HDAC9: variants seen among roughly 807,000 people sequenced by gnomAD.
HDAC9 encodes the protein histone deacetylase 9.
In HDAC9, 41 loss-of-function variants were observed where a neutral mutation model predicts 139.4. The observed-to-expected ratio is 0.29, with a 90% confidence interval of 0.23 to 0.38. The LOEUF (loss-of-function observed/expected upper bound fraction) is 0.38. Ranked by LOEUF, HDAC9 falls within the 10% of genes least tolerant of loss-of-function variation. The pLI, the probability that HDAC9 is intolerant of heterozygous loss-of-function variation, is 1.00. For missense variants in HDAC9, 1,147 were observed against 1,297.0 expected, an observed-to-expected ratio of 0.88 and a Z score of 1.78; for synonymous variants, 517 against 476.2, an observed-to-expected ratio of 1.09 and a Z score of -1.12.
intron 3 of HDAC9, among the ~76,000 whole-genome samples, chr7:18,588,593 T>G (rs1003071324): frequency 2.0e-5 from 3 of 152,218 alleles, no homozygotes; most frequent in Admixed American, 2.0e-4. Flanking sequence ...CAGCCACCCA[T>G]GTGGACAATC....
intron 2 of HDAC9, among the ~76,000 whole-genome samples, chr7:18,208,582 G>T (rs1022000372): frequency 6.6e-6 from 1 of 151,966 alleles, no homozygotes; most frequent in South Asian, 2.1e-4. Flanking sequence ...CGCCATGTTG[G>T]CCAGGCTGGT....
At chr7:18,936,904 A>T (rs1165510378) in intron 23 of HDAC9, among the ~76,000 whole-genome samples, 1 of 152,094 alleles carries the variant, frequency 6.6e-6, no homozygotes, top group Non-Finnish European at 1.5e-5. Flanking sequence ...TCATTATTTT[A>T]CAAACCTGTA....
At chr7:18,138,108 A>G (rs140683778) in intron 1 of HDAC9, among the ~76,000 whole-genome samples, 6,416 of 152,268 alleles carry the variant, frequency 0.042, 440 homozygotes, top group African/African-American at 0.15. Flanking sequence ...TGTTTGTAGT[A>G]TTCTGTGATG....
intron 1 of HDAC9, among the ~76,000 whole-genome samples, chr7:18,341,901 A>T (rs1214355553): frequency 6.6e-6 from 1 of 151,740 alleles, no homozygotes; most frequent in Non-Finnish European, 1.5e-5. Flanking sequence ...AAACAGTTTT[A>T]TCCTTTTGGT....
intron 24 of HDAC9, among the ~76,000 whole-genome samples, chr7:18,957,754 T>C (rs962586854): frequency 7.9e-5 from 12 of 152,190 alleles, no homozygotes; most frequent in African/African-American, 2.4e-5. Flanking sequence ...ACAGGAGCAC[T>C]TCCTCTTCAC....
In HDAC9 at chr7:18,988,355, C is replaced by T. The variant is rs563894461; in HGVS notation, c.3171-7668C>T. ...CATTCAGGAGCAGGTTGTTCAGTTTCCATGTAGTTGAGCGGTTTTGAGTGA... is the reference window on the plus strand; with the variant it reads ...CATTCAGGAGCAGGTTGTTCAGTTTTCATGTAGTTGAGCGGTTTTGAGTGA... On this transcript the variant is annotated intron_variant, in intron 25 of 25. Transcript: ENST00000686413. Among the ~76,000 whole-genome samples the T allele has an allele frequency of 3.3e-5, 5 of 152,050 alleles. No homozygotes were observed. The South Asian group carries it at 1.0e-3, about 32-fold the overall frequency.
chr7:18,292,967 C>T (rs1470517457), intron 1 of HDAC9, among the ~76,000 whole-genome samples: 11 of 151,858 alleles, frequency 7.2e-5, no homozygotes, highest in Admixed American at 6.6e-4. Context: ...GTTTTTTTTC[C>T]CCTCCAATAG....
chr7:18,892,216 T>C (rs1274304456), intron 22 of HDAC9: 2 of 152,214 alleles, frequency 1.3e-5, no homozygotes, highest in African/African-American at 2.4e-5. Context: ...GAAAATGAAG[T>C]ATTTGGACCA....
At chr7:18,203,948 C>G (rs1050644149) in intron 2 of HDAC9, among the ~76,000 whole-genome samples, 6 of 152,142 alleles carry the variant, frequency 3.9e-5, no homozygotes, top group East Asian at 1.9e-4. Context: ...TTCTCCAAAG[C>G]TATGTATGAG....
intron 24 of HDAC9, among the ~76,000 whole-genome samples, chr7:18,958,485 G>A (rs1783312061): frequency 6.6e-6 from 1 of 152,138 alleles, no homozygotes; most frequent in Non-Finnish European, 1.5e-5. Flanking sequence ...CAGTGGATGA[G>A]TGGGCAAAGA....
chr7:18,686,655 G>A (rs1782296321), intron 12 of HDAC9, among the ~76,000 whole-genome samples: 1 of 151,830 alleles, frequency 6.6e-6, no homozygotes, highest in Non-Finnish European at 1.5e-5. Flanking sequence ...TATATAGCCT[G>A]GCATAAATTC....
At chr7:18,890,115 G>T (rs1361399550) in intron 22 of HDAC9, among the ~76,000 whole-genome samples, 1 of 152,154 alleles carries the variant, frequency 6.6e-6, no homozygotes, top group Non-Finnish European at 1.5e-5. Flanking sequence ...AGTAAATACA[G>T]AAACTCATTT....
At position 18,318,958 on chromosome 7, in the gene HDAC9, G is replaced by A. The variant is rs1332021714; in HGVS notation, c.-42+28443G>A. Among the ~76,000 whole-genome samples the A allele has an allele frequency of 2.0e-5, 3 of 152,140 alleles. No homozygotes were observed. The East Asian group carries it at 5.8e-4, about 29-fold the overall frequency. Reference sequence around the variant, plus strand: ...ATCACAGCAGATAGATCCAAGAAATGCAGTATCTCAGGCCCATTCCAGACC... The same window carrying A: ...ATCACAGCAGATAGATCCAAGAAATACAGTATCTCAGGCCCATTCCAGACC... On this transcript the variant is annotated intron_variant, in intron 1 of 3. Transcript: ENST00000413509.
chr7:18,496,124 C>A, intron 1 of HDAC9, 101 bp downstream of exon 1: 1 of 1,407,572 alleles, frequency 7.1e-7, no homozygotes, highest in Admixed American at 2.1e-5. Flanking sequence ...TGCTTCTCCT[C>A]AGGGAGGAGG....
intron 21 of HDAC9, among the ~76,000 whole-genome samples, chr7:18,852,505 A>G (rs951852217): frequency 3.9e-5 from 6 of 152,214 alleles, no homozygotes; most frequent in African/African-American, 1.4e-4. Flanking sequence ...TACAAAGGCA[A>G]AAATTCAAAA....
intron 1 of HDAC9, among the ~76,000 whole-genome samples, chr7:18,381,643 G>C (rs1326250845): frequency 6.6e-6 from 1 of 151,990 alleles, no homozygotes; most frequent in African/African-American, 2.4e-5. Context: ...TATTCATTCA[G>C]TACTCAAATT....
intron 1 of HDAC9, among the ~76,000 whole-genome samples, chr7:18,299,412 T>G (rs1031365795): frequency 6.6e-6 from 1 of 152,162 alleles, no homozygotes; most frequent in South Asian, 2.1e-4. Context: ...TTTCAAGATA[T>G]ATTTTTTTTC....
intron 1 of HDAC9, among the ~76,000 whole-genome samples, chr7:18,123,835 C>T (rs1225770848): frequency 2.0e-5 from 3 of 152,152 alleles, no homozygotes; most frequent in Non-Finnish European, 2.9e-5. Flanking sequence ...GCAGTTTAAG[C>T]AGTGGTTAAT....
intron 1 of HDAC9, among the ~76,000 whole-genome samples, chr7:18,422,983 G>A (rs2128753531): frequency 6.6e-6 from 1 of 152,192 alleles, no homozygotes; most frequent in East Asian, 1.9e-4. Context: ...GGTTCTCTTT[G>A]GCTACACATG....
Sources: allele counts gnomAD v4.1 joint callset (sites outside exome capture counted in the v4.1 genomes callset), GRCh38; gene constraint gnomAD v4.1.1; transcripts MANE v1.5; gene names NCBI Gene and HGNC (gene_info 2026-07-23, HGNC 2026-07-21).